KCNAB1: variants seen among roughly 807,000 people sequenced by gnomAD.
KCNAB1 encodes the protein voltage-gated potassium channel subunit beta-1.
In KCNAB1, 35 loss-of-function variants were observed where a neutral mutation model predicts 64.6. That is an observed-to-expected ratio of 0.54 (90% confidence interval 0.41 to 0.72). The LOEUF is 0.72. Among genes scored for constraint, KCNAB1 ranks in the 30% least tolerant of loss-of-function variants. The pLI is 0.00. For missense variants in KCNAB1, 401 were observed against 512.9 expected (o/e 0.78, Z 2.11); for synonymous variants, 177 against 183.8 (o/e 0.96, Z 0.30).
intron 1 of KCNAB1, among the ~76,000 whole-genome samples, chr3:156,377,263 C>A (rs1711747635): frequency 6.6e-6 from 1 of 152,108 alleles, no homozygotes; most frequent in Non-Finnish European, 1.5e-5. Context: ...TGTACCCCTT[C>A]CTGACCAATG....
intron 2 of KCNAB1, among the ~76,000 whole-genome samples, chr3:156,444,706 T>G (rs1440370312): frequency 3.3e-5 from 5 of 152,244 alleles, no homozygotes; most frequent in African/African-American, 1.2e-4. Flanking sequence ...AGCGCCATCA[T>G]GGGCCTTCCC....
intron 1 of KCNAB1, among the ~76,000 whole-genome samples, chr3:156,287,817 G>A (rs77583393): frequency 0.028 from 4,253 of 150,952 alleles, 223 homozygotes; most frequent in African/African-American, 0.098. Context: ...AAAAAAACTC[G>A]AAATACAACT....
At chr3:156,383,032 G>A (rs1277956522) in intron 1 of KCNAB1, among the ~76,000 whole-genome samples, 1 of 152,192 alleles carries the variant, frequency 6.6e-6, no homozygotes, top group African/African-American at 2.4e-5. Flanking sequence ...TGTTGGTTCT[G>A]TAAACAGGTT....
chr3:156,244,288 C>T (rs776715422), intron 1 of KCNAB1, among the ~76,000 whole-genome samples: 1 of 152,192 alleles, frequency 6.6e-6, no homozygotes, highest in Non-Finnish European at 1.5e-5. Flanking sequence ...AAGTGCATCA[C>T]TCCAACCTCC....
At chr3:156,514,222 TGTTGTCACC>T (rs1292710293) in intron 8 of KCNAB1, 133 bp from the exon 9 acceptor site, 1 of 618,600 alleles carries the variant, frequency 1.6e-6, no homozygotes, top group Non-Finnish European at 2.9e-6. Flanking sequence ...CAGACTATAA[TGTTGTCACC>T]AATATTAGGC....
At chr3:156,243,816 G>C (rs1717302871) in intron 1 of KCNAB1, among the ~76,000 whole-genome samples, 1 of 152,202 alleles carries the variant, frequency 6.6e-6, no homozygotes, top group African/African-American at 2.4e-5. Context: ...ACTTTCAGAA[G>C]GTCACAGTAA....
intron 1 of KCNAB1, among the ~76,000 whole-genome samples, chr3:156,164,208 AAAT>A (rs1184679292): frequency 6.6e-6 from 1 of 152,204 alleles, no homozygotes; most frequent in Admixed American, 6.5e-5. Flanking sequence ...AGATGTGACT[AAAT>A]AAGAGAGGCA....
chr3:156,355,363 G>C (rs1725162770), intron 1 of KCNAB1, among the ~76,000 whole-genome samples: 1 of 152,184 alleles, frequency 6.6e-6, no homozygotes, highest in African/African-American at 2.4e-5. Context: ...ATAAGTGCTT[G>C]CAAGTCCTCT....
At chr3:156,245,825 C>A (rs985093675) in intron 1 of KCNAB1, among the ~76,000 whole-genome samples, 1 of 152,108 alleles carries the variant, frequency 6.6e-6, no homozygotes, top group African/African-American at 2.4e-5. Context: ...TATCCTTCCT[C>A]CCCTTTAAAA....
intron 1 of KCNAB1, among the ~76,000 whole-genome samples, chr3:156,185,231 C>T (rs1324897086): frequency 6.6e-6 from 1 of 152,190 alleles, no homozygotes; most frequent in Non-Finnish European, 1.5e-5. Context: ...CAGGGCTGAG[C>T]ATCTTCTATG....
chr3:156,531,395 T>G lies in KCNAB1; in HGVS notation c.1082-14T>G. On this transcript the variant is annotated splice_polypyrimidine_tract_variant and intron_variant, in intron 12 of 13. Transcript: ENST00000490337. ...AGTGCTTTGATAAACTGACCCAGTGTCCTCTCCTCCCAGCGTGGTGCCTGA... is the reference window on the plus strand; with the variant it reads ...AGTGCTTTGATAAACTGACCCAGTGGCCTCTCCTCCCAGCGTGGTGCCTGA... 6.3e-7 allele frequency: 1 copy of G among 1,597,524 alleles called. No individual in the cohort carries two copies. Among genetic ancestry groups the G allele is most frequent in the Non-Finnish European group, 8.6e-7 (1 of 1,164,868 alleles).
At chr3:156,279,357 C>A (rs1358795214) in intron 1 of KCNAB1, among the ~76,000 whole-genome samples, 87 of 151,960 alleles carry the variant, frequency 5.7e-4, no homozygotes, top group Middle Eastern at 3.4e-3. Context: ...TTCTTAATCC[C>A]GTCTATCATT....
At chr3:156,389,635 A>G (rs1712875115) in intron 1 of KCNAB1, among the ~76,000 whole-genome samples, 1 of 152,216 alleles carries the variant, frequency 6.6e-6, no homozygotes, top group African/African-American at 2.4e-5. Flanking sequence ...ACTGGGATTG[A>G]TGCCCAGCAT....
At chr3:156,297,557 A>G (rs543351501) in intron 1 of KCNAB1, among the ~76,000 whole-genome samples, 4 of 152,220 alleles carry the variant, frequency 2.6e-5, no homozygotes, top group African/African-American at 7.2e-5. Context: ...CTACTTTCCT[A>G]TAGAGAGTCA....
At chr3:156,453,187 G>A (rs1043482157) in intron 3 of KCNAB1, 1 of 342,240 alleles carries the variant, frequency 2.9e-6, no homozygotes, top group Non-Finnish European at 5.2e-6. Context: ...AAACAATTTG[G>A]AATTAACATT....
chr3:156,487,831 T>C (rs1170618961), intron 8 of KCNAB1, among the ~76,000 whole-genome samples: 2 of 151,642 alleles, frequency 1.3e-5, no homozygotes, highest in Non-Finnish European at 2.9e-5. Flanking sequence ...TCTAATGAGA[T>C]AGGAGATAAA....
Position 156,515,162 on chromosome 3 carries a change from C to T in KCNAB1, c.807C>T (p.Tyr269=). 6.2e-7 allele frequency: 1 copy of T among 1,613,008 alleles called. No individual in the cohort carries two copies. The highest frequency in any genetic ancestry group is 8.5e-7 in the Non-Finnish European group (1 of 1,179,184). The change falls in exon 10 of 14, where the codon TAC becomes TAT. Residue 269 remains tyrosine (Y), a synonymous_variant. Transcript: ENST00000490337. ...MIPPVCEQAE[Y]HLFQREKVEV... ...CACCGGTCTGTGAACAAGCTGAGTA[C>T]CATCTTTTCCAGAGAGAGAAAGTGG...
At chr3:156,536,498 G>T in intron 13 of KCNAB1, 160 bp from the exon 14 acceptor site, 1 of 618,556 alleles carries the variant, frequency 1.6e-6, no homozygotes, top group Non-Finnish European at 2.9e-6. Flanking sequence ...CTGACCTCAA[G>T]GAGCTTACAA....
At chr3:156,415,046 A>G (rs950543419) in intron 1 of KCNAB1, among the ~76,000 whole-genome samples, 4 of 152,164 alleles carry the variant, frequency 2.6e-5, no homozygotes, top group African/African-American at 9.7e-5. Context: ...TAGCAAAATA[A>G]CTTACAATTC....
Sources: allele counts gnomAD v4.1 joint callset (sites outside exome capture counted in the v4.1 genomes callset), GRCh38; gene constraint gnomAD v4.1.1; transcripts MANE v1.5; gene names NCBI Gene and HGNC (gene_info 2026-07-23, HGNC 2026-07-21).